Variants in PDE6A observed in about 807,000 individuals in gnomAD.
The protein encoded by PDE6A is rod cGMP-specific 3',5'-cyclic phosphodiesterase subunit alpha.
In PDE6A, 84 loss-of-function variants were observed where a neutral mutation model predicts 106.3. That is an observed-to-expected ratio of 0.79 (90% CI 0.66 to 0.95). PDE6A has a LOEUF of 0.95. Among genes scored for constraint, PDE6A ranks in the 40% least tolerant of loss-of-function variants. PDE6A has a pLI of 0.00. For synonymous variants in PDE6A, 394 were observed against 386.6 expected, an observed-to-expected ratio of 1.02 and a Z score of -0.23; for missense variants, 1,052 against 1,084.9, an observed-to-expected ratio of 0.97 and a Z score of 0.43.
At chr5:149,867,568 T>C in intron 19 of PDE6A, 157 bp downstream of exon 19, 1 of 717,370 alleles carries the variant, frequency 1.4e-6, no homozygotes. Context: ...GTAATGAGGT[T>C]GACAGTGGCC....
chr5:149,877,250 A>T (rs1760774834), intron 17 of PDE6A, among the ~76,000 whole-genome samples: 1 of 152,036 alleles, frequency 6.6e-6, no homozygotes, highest in Non-Finnish European at 1.5e-5. Flanking sequence ...AGTGCCTGGC[A>T]ATTAAAGTTG....
chr5:149,913,199 T>C (rs1753438485), intron 6 of PDE6A, among the ~76,000 whole-genome samples: 1 of 152,018 alleles, frequency 6.6e-6, no homozygotes, highest in Middle Eastern at 3.2e-3. Context: ...CTGACCAACA[T>C]GGCGAAACCC....
At position 149,908,751 on chromosome 5, in the gene PDE6A, G is replaced by A. The variant is rs113364429; in HGVS notation, c.999-1373C>T. On this transcript the variant is annotated intron_variant, in intron 6 of 21. Coordinates refer to ENST00000255266, the MANE Select transcript of PDE6A (RefSeq NM_000440.3). ...TATTAATTAGAACTCAGGCAGTGGTGTGTGCCTATAGCCCCAGCGACTGAG... is the reference window on the plus strand; with the variant it reads ...TATTAATTAGAACTCAGGCAGTGGTATGTGCCTATAGCCCCAGCGACTGAG... Among the ~76,000 whole-genome samples the A allele has an allele frequency of 6.8e-3, 1,039 of 152,156 alleles. 11 individuals carry two copies. The highest frequency in any genetic ancestry group is 0.023 in the African/African-American group (961 of 41,498).
rs547297718 is a variant in PDE6A, at chr5:149,865,011, G to A, written c.2358+1159C>T. 7.9e-5 allele frequency among the ~76,000 whole-genome samples: 12 copies of A among 152,236 alleles called. No individual in the cohort carries two copies. The East Asian group carries it at 1.7e-3, about 22-fold the overall frequency. On this transcript the variant is annotated intron_variant, in intron 20 of 21. Transcript: ENST00000255266. ...TCCCAGCACTTTGGGAGGCCGAGGC[G>A]GGTGGATCGTTTGAGGCCAGGAGTT...
In PDE6A at chr5:149,943,110, G is replaced by A. The variant is rs188908194; in HGVS notation, c.474+1090C>T. 8.7e-3 allele frequency among the ~76,000 whole-genome samples: 1,332 copies of A among 152,256 alleles called. 6 individuals are homozygous for A. The highest frequency in any genetic ancestry group is 0.014 in the Non-Finnish European group (932 of 68,028). On this transcript the variant is annotated intron_variant, in intron 1 of 21. Coordinates refer to ENST00000255266, the MANE Select transcript of PDE6A (RefSeq NM_000440.3). ...TGAGGCCATATCTCAGGCTGTCTCA[G>A]TGGGGAGAAACCTTGGACCATACCC...
At chr5:149,887,887 C>A (rs1209967944) in intron 13 of PDE6A, among the ~76,000 whole-genome samples, 6 of 152,184 alleles carry the variant, frequency 3.9e-5, no homozygotes, top group African/African-American at 1.4e-4. Flanking sequence ...CAGCGGTGGG[C>A]TCTGGCATTA....
chr5:149,861,355 G>C lies in PDE6A; in HGVS notation c.2507-384C>G, dbSNP rs140032455. ...CAGATCTTACCTTTTTACTCTTTTAGAAAGAAAAGCTGGGCCAGGCACAGG... is the reference window on the plus strand; with the variant it reads ...CAGATCTTACCTTTTTACTCTTTTACAAAGAAAAGCTGGGCCAGGCACAGG... On this transcript the variant is annotated intron_variant, in intron 21 of 21. Coordinates refer to ENST00000255266, the MANE Select transcript of PDE6A (RefSeq NM_000440.3). Among the ~76,000 whole-genome samples, 48 of 152,320 alleles carry C rather than the reference G, an allele frequency of 3.2e-4. No individual in the cohort carries two copies. In the East Asian group the frequency reaches 7.5e-3, roughly 24 times the overall value.
intron 1 of PDE6A, among the ~76,000 whole-genome samples, chr5:149,939,385 G>A (rs1396141457): frequency 6.6e-6 from 1 of 151,368 alleles, no homozygotes; most frequent in Non-Finnish European, 1.5e-5. Context: ...GTATAGAGAA[G>A]CTCTCAGCAT....
intron 5 of PDE6A, among the ~76,000 whole-genome samples, chr5:149,919,405 A>G (rs1287678025): frequency 3.9e-5 from 6 of 152,128 alleles, no homozygotes; most frequent in Non-Finnish European, 8.8e-5. Flanking sequence ...CTACTCGGGA[A>G]TCTGAGGCAG....
In PDE6A at chr5:149,886,305, C is replaced by A. The variant is rs765024330; in HGVS notation, c.1798G>T (p.Asp600Tyr). Residue 600 changes from aspartate (D) to tyrosine (Y), a missense_variant, in exon 14 of 22, where the codon GAC (aspartate) becomes TAC (tyrosine). By Grantham distance (160) the Asp-to-Tyr change is radical. Transcript: ENST00000255266. ...LAMVTAAFCH[D>Y]IDHRGTNNLY... ...TTATTGGTGCCTCTGTGGTCAATGTCATGGCAGAAAGCAGCAGTGACCATG... is the reference window on the plus strand; with the variant it reads ...TTATTGGTGCCTCTGTGGTCAATGTAATGGCAGAAAGCAGCAGTGACCATG... 3.1e-6 allele frequency: 5 copies of A among 1,614,050 alleles called. No homozygotes were observed. In the Admixed American group the frequency reaches 8.3e-5, roughly 27 times the overall value.
chr5:149,877,562 A>G (rs1760786931), intron 17 of PDE6A, among the ~76,000 whole-genome samples: 1 of 152,096 alleles, frequency 6.6e-6, no homozygotes, highest in Non-Finnish European at 1.5e-5. Context: ...GGCACGCACC[A>G]CAATGCCTGG....
intron 3 of PDE6A, chr5:149,932,088 C>T: frequency 1.5e-6 from 2 of 1,364,940 alleles, no homozygotes; most frequent in Non-Finnish European, 2.1e-6. Flanking sequence ...TCTTTTAGCA[C>T]GTTCTTTGTT....
rs542180384 is a variant in PDE6A, at chr5:149,860,953, G to A, written c.2525C>T (p.Pro842Leu). 22 of 1,614,130 alleles carry A rather than the reference G, an allele frequency of 1.4e-5. No individual in the cohort carries two copies. Among genetic ancestry groups the A allele is most frequent in the South Asian group, 5.5e-5 (5 of 91,068 alleles). Residue 842 changes from proline to leucine, a missense_variant, in exon 22 of 22, where the codon CCG becomes CTG. Coordinates refer to ENST00000255266, the MANE Select transcript of PDE6A (RefSeq NM_000440.3). ...SAKSAAAGNQ[P>L]GGNPSPGGAT... ...ACCCCCTGGGCTGGGGTTTCCCCCCGGCTGATTTCCTGCGGCTGCTGCAAT... is the reference window on the plus strand; with the variant it reads ...ACCCCCTGGGCTGGGGTTTCCCCCCAGCTGATTTCCTGCGGCTGCTGCAAT...
chr5:149,884,950 A>C (rs1581167084), intron 14 of PDE6A, 83 bp from the exon 15 acceptor site: 7 of 1,095,562 alleles, frequency 6.4e-6, no homozygotes, highest in Non-Finnish European at 8.4e-6. Context: ...CTCAGTCTTC[A>C]GCCTTCTCCA....
intron 2 of PDE6A, 138 bp downstream of exon 2, chr5:149,934,428 C>T (rs1254181710): frequency 3.5e-6 from 3 of 846,566 alleles, no homozygotes; most frequent in Non-Finnish European, 6.1e-6. Context: ...TATCCTGCCT[C>T]CCTCAGAGAA....
chr5:149,897,093 CAT>C (rs1184035647), intron 10 of PDE6A, among the ~76,000 whole-genome samples: 1 of 152,226 alleles, frequency 6.6e-6, no homozygotes, highest in Non-Finnish European at 1.5e-5. Context: ...TCTCAAGTAA[CAT>C]ATGTAAAATT....
In PDE6A at chr5:149,858,668, T is replaced by A. The variant is rs1760017197; in HGVS notation, c.*2227A>T. On this transcript the variant is annotated 3_prime_UTR_variant, in exon 22 of 22. Transcript: ENST00000255266. ...GGTGGTGCATGCCTGTGGTCACCGC[T>A]GCTTGGTAAGCTGAGATGGAGGATT... is the stretch of plus-strand genomic sequence containing the variant. 1 of 152,130 alleles carries A rather than the reference T, an allele frequency of 6.6e-6. No individual in the cohort carries two copies. The highest frequency in any genetic ancestry group is 1.5e-5 in the Non-Finnish European group (1 of 68,100). 9.4% of individuals were successfully genotyped at this position (152,130 alleles called of 1,614,324 possible).
intron 17 of PDE6A, among the ~76,000 whole-genome samples, chr5:149,875,992 ATATG>A (rs1277296118): frequency 6.6e-6 from 1 of 152,210 alleles, no homozygotes; most frequent in African/African-American, 2.4e-5. Flanking sequence ...TTCTGTATAT[ATATG>A]TGTGTGTGTA....
At chr5:149,898,315 G>T in intron 10 of PDE6A, 48 bp downstream of exon 10, 2 of 1,592,150 alleles carry the variant, frequency 1.3e-6, no homozygotes, top group Admixed American at 1.7e-5. Context: ...CCACATCTCT[G>T]AGACGCAGTC....
Sources: gnomAD v4.1 joint callset for allele counts (sites outside exome capture counted in the v4.1 genomes callset) on GRCh38, gnomAD v4.1.1 for gene constraint, MANE v1.5 for transcripts, NCBI Gene and HGNC (gene_info 2026-07-23, HGNC 2026-07-21) for gene names.